Variants in SEMA3D observed in about 807,000 individuals in gnomAD.
SEMA3D encodes semaphorin-3D.
Under a neutral mutation model 100.1 loss-of-function variants are expected in SEMA3D, and 84 were observed. The ratio of observed to expected loss-of-function variants is 0.84; its 90% CI spans 0.70 to 1.01. The LOEUF (loss-of-function observed/expected upper bound fraction) is 1.01, where lower values mean the gene tolerates loss of function less well. Among genes scored for constraint, SEMA3D ranks in the 50% least tolerant of loss-of-function variants. The pLI, the probability that SEMA3D is intolerant of heterozygous loss-of-function variation, is 0.00. For missense variants in SEMA3D, 875 were observed against 934.1 expected (o/e 0.94, Z 0.82); for synonymous variants, 312 against 320.7 (o/e 0.97, Z 0.29).
intron 17 of SEMA3D, among the ~76,000 whole-genome samples, chr7:85,012,015 T>C (rs932334354): frequency 2.6e-5 from 4 of 151,706 alleles, no homozygotes; most frequent in African/African-American, 7.3e-5. Context: ...CTTGAGAGTG[T>C]AAAGTAGCTG....
the SEMA3D span, among the ~76,000 whole-genome samples, chr7:85,224,966 A>G: frequency 6.7e-6 from 1 of 149,232 alleles, no homozygotes; most frequent in Non-Finnish European, 1.5e-5. Context: ...TTTTCGAAAT[A>G]CAAAATTATT....
chr7:85,072,259 T>C (rs1791795398), intron 6 of SEMA3D, among the ~76,000 whole-genome samples: 1 of 152,192 alleles, frequency 6.6e-6, no homozygotes, highest in African/African-American at 2.4e-5. Context: ...TCCTAATTAA[T>C]ACATCCTTTA....
chr7:85,166,354 T>C (rs1041738725), intron 1 of SEMA3D, among the ~76,000 whole-genome samples: 1 of 151,940 alleles, frequency 6.6e-6, no homozygotes, highest in Admixed American at 6.6e-5. Context: ...AGAAAACTAA[T>C]AAAATAGTTC....
At chr7:85,116,750 T>C (rs919968551) in intron 3 of SEMA3D, among the ~76,000 whole-genome samples, 1 of 152,146 alleles carries the variant, frequency 6.6e-6, no homozygotes, top group Non-Finnish European at 1.5e-5. Flanking sequence ...GAGCTTTGAC[T>C]TTTTGGTCTA....
the SEMA3D span, among the ~76,000 whole-genome samples, chr7:85,225,150 A>C: frequency 1.4e-5 from 2 of 138,128 alleles, no homozygotes; most frequent in Non-Finnish European, 3.1e-5. Flanking sequence ...TATAAAATAC[A>C]TATATATAAT....
chr7:85,142,743 G>C, intron 2 of SEMA3D: 3 of 971,728 alleles, frequency 3.1e-6, no homozygotes, highest in Non-Finnish European at 2.4e-6. Flanking sequence ...GGCTCCTCTT[G>C]CTTTTACACT....
intron 3 of SEMA3D, among the ~76,000 whole-genome samples, chr7:85,105,389 C>G (rs1313390538): frequency 6.6e-6 from 1 of 152,008 alleles, no homozygotes; most frequent in Non-Finnish European, 1.5e-5. Context: ...AACTTGGCAT[C>G]AGCTGACCTC....
In SEMA3D at chr7:85,172,064, T is replaced by C. The variant is rs140179504; in HGVS notation, c.-173+14614A>G. ...TGTATGAGTAAAGGCTTCTTTTCCC[T>C]CTGCACTAGAAAGAGTACAAGAAAC... On this transcript the variant is annotated intron_variant, in intron 1 of 18. Transcript: ENST00000284136. 1.8e-3 allele frequency among the ~76,000 whole-genome samples: 273 copies of C among 152,020 alleles called. 1 individual carries two copies. The highest frequency in any genetic ancestry group is 6.5e-3 in the African/African-American group (268 of 41,494).
chr7:85,140,588 T>G (rs879134896), intron 2 of SEMA3D: 1 of 899,698 alleles, frequency 1.1e-6, no homozygotes, highest in African/African-American at 1.8e-5. Context: ...TATATCTATA[T>G]CTATATATCT....
intron 3 of SEMA3D, among the ~76,000 whole-genome samples, chr7:85,113,816 T>C (rs1359391028): frequency 6.6e-6 from 1 of 151,572 alleles, no homozygotes; most frequent in East Asian, 1.9e-4. Flanking sequence ...AAGAAATCCG[T>C]TAATATTATC....
intron 12 of SEMA3D, among the ~76,000 whole-genome samples, chr7:85,030,456 T>C (rs1206186379): frequency 6.9e-6 from 1 of 144,524 alleles, no homozygotes; most frequent in East Asian, 1.9e-4. Flanking sequence ...TTTAACGCGG[T>C]AACAATTTGG....
upstream of SEMA3D, among the ~76,000 whole-genome samples, chr7:85,189,859 A>G (rs985777091): frequency 2.0e-5 from 3 of 152,188 alleles, no homozygotes; most frequent in African/African-American, 7.2e-5. Context: ...GGCAATATGA[A>G]ATACACTATT....
chr7:85,210,654 G>A, the SEMA3D span, among the ~76,000 whole-genome samples: 4 of 152,044 alleles, frequency 2.6e-5, no homozygotes, highest in East Asian at 7.7e-4. Flanking sequence ...AGATGATAAA[G>A]CATTCACTAG....
chr7:85,221,263 A>T, the SEMA3D span, among the ~76,000 whole-genome samples: 1 of 152,252 alleles, frequency 6.6e-6, no homozygotes, highest in Non-Finnish European at 1.5e-5. Context: ...ATATGATTAA[A>T]AGGCACACCA....
intron 9 of SEMA3D, among the ~76,000 whole-genome samples, chr7:85,043,927 A>C (rs1475175994): frequency 6.6e-6 from 1 of 152,114 alleles, no homozygotes; most frequent in Non-Finnish European, 1.5e-5. Context: ...AGAAGCGTGA[A>C]AACAGACTAA....
the SEMA3D span, among the ~76,000 whole-genome samples, chr7:85,199,803 C>T: frequency 2.0e-5 from 3 of 152,002 alleles, no homozygotes; most frequent in Admixed American, 2.0e-4. Context: ...TTTTTTCCCA[C>T]TGAGTTTGAT....
chr7:85,105,825 A>G (rs922184251), intron 3 of SEMA3D, among the ~76,000 whole-genome samples: 1 of 152,128 alleles, frequency 6.6e-6, no homozygotes, highest in Non-Finnish European at 1.5e-5. Flanking sequence ...TAAATTAGAA[A>G]CAAATTAAGC....
the SEMA3D span, among the ~76,000 whole-genome samples, chr7:85,212,637 A>G: frequency 6.6e-6 from 1 of 151,978 alleles, no homozygotes; most frequent in Non-Finnish European, 1.5e-5. Context: ...TTTTAATATT[A>G]AAATTTTATA....
chr7:85,183,005 CA>C (rs925345818), intron 1 of SEMA3D, among the ~76,000 whole-genome samples: 5 of 152,140 alleles, frequency 3.3e-5, no homozygotes, highest in African/African-American at 9.7e-5. Flanking sequence ...GACAGAACAG[CA>C]AAGTTCAGAG....
Sources: gnomAD v4.1 joint callset for allele counts (sites outside exome capture counted in the v4.1 genomes callset) on GRCh38, gnomAD v4.1.1 for gene constraint, MANE v1.5 for transcripts, NCBI Gene and HGNC (gene_info 2026-07-23, HGNC 2026-07-21) for gene names.